LRP12: variants seen among roughly 807,000 people sequenced by gnomAD.
LRP12 encodes the protein low-density lipoprotein receptor-related protein 12.
Under a neutral mutation model 66.0 loss-of-function variants are expected in LRP12, and 14 were observed. The ratio of observed to expected loss-of-function variants is 0.21; its 90% CI spans 0.14 to 0.33. LRP12 has a LOEUF of 0.33. Ranked by LOEUF, LRP12 falls within the 10% of genes least tolerant of loss-of-function variation. The pLI is 1.00. For missense variants in LRP12, 889 were observed against 1,053.4 expected, an observed-to-expected ratio of 0.84 and a Z score of 2.16; for synonymous variants, 357 against 359.1, an observed-to-expected ratio of 0.99 and a Z score of 0.07.
intron 1 of LRP12, among the ~76,000 whole-genome samples, chr8:104,548,153 T>TAA (rs1178014240): frequency 0.011 from 748 of 70,456 alleles, 19 homozygotes; most frequent in African/African-American, 0.054. Context: ...ATATTATATA[T>TAA]TAATAATTAT....
At chr8:104,581,366 AC>A (rs755047117) in intron 1 of LRP12, among the ~76,000 whole-genome samples, 3 of 152,196 alleles carry the variant, frequency 2.0e-5, no homozygotes, top group Non-Finnish European at 4.4e-5. Context: ...TACAGATATC[AC>A]TAGATATGAT....
intron 3 of LRP12, chr8:104,506,895 A>T (rs1387078311): frequency 1.3e-5 from 2 of 152,128 alleles, no homozygotes; most frequent in Non-Finnish European, 2.9e-5. Flanking sequence ...TCCAGATTTT[A>T]AAAAATCATG....
intron 1 of LRP12, among the ~76,000 whole-genome samples, chr8:104,588,341 G>C (rs142040133): frequency 6.6e-6 from 1 of 152,194 alleles, no homozygotes; most frequent in Admixed American, 6.5e-5. Context: ...GAATCGAGTA[G>C]GACAAGGGCT....
At chr8:104,566,044 A>G (rs540898130) in intron 1 of LRP12, 131 of 197,828 alleles carry the variant, frequency 6.6e-4, no homozygotes, top group Non-Finnish European at 1.5e-4. Flanking sequence ...CTGATTAAAG[A>G]CTTCAAAAAA....
intron 1 of LRP12, among the ~76,000 whole-genome samples, chr8:104,554,775 C>T (rs1811780173): frequency 6.6e-6 from 1 of 152,116 alleles, no homozygotes; most frequent in Non-Finnish European, 1.5e-5. Flanking sequence ...GCTCAAAGAA[C>T]ACTCAGGTGA....
intron 1 of LRP12, among the ~76,000 whole-genome samples, chr8:104,579,110 G>A (rs577352189): frequency 3.3e-5 from 5 of 152,002 alleles, no homozygotes; most frequent in East Asian, 1.9e-4. Context: ...TAAATAAAGC[G>A]CATCTAAATA....
chr8:104,570,036 A>T (rs1588508701), intron 1 of LRP12, among the ~76,000 whole-genome samples: 1 of 152,284 alleles, frequency 6.6e-6, no homozygotes, highest in East Asian at 1.9e-4. Context: ...AAGCAATATT[A>T]TTTCCTATAA....
intron 2 of LRP12, among the ~76,000 whole-genome samples, chr8:104,522,585 A>G (rs1811169001): frequency 6.6e-6 from 1 of 152,118 alleles, no homozygotes; most frequent in East Asian, 1.9e-4. Flanking sequence ...CCTCAGACAG[A>G]GACTTCAGCT....
At chr8:104,513,887 T>C (rs1453159319) in intron 2 of LRP12, among the ~76,000 whole-genome samples, 1 of 152,152 alleles carries the variant, frequency 6.6e-6, no homozygotes, top group African/African-American at 2.4e-5. Flanking sequence ...AGGCTTTGCA[T>C]AGTCAAATGC....
At chr8:104,581,275 T>C (rs541094419) in intron 1 of LRP12, among the ~76,000 whole-genome samples, 4 of 152,182 alleles carry the variant, frequency 2.6e-5, no homozygotes, top group Non-Finnish European at 5.9e-5. Flanking sequence ...CAACACATAC[T>C]GGGGCCTGTC....
At position 104,490,587 on chromosome 8, in the gene LRP12, A is replaced by G. The variant is rs576060621; in HGVS notation, c.*86T>C. ...ATCACCCTGCATTTTTTCTTTTTAA[A>G]CTAAAACTAGTTTAACTGTAAAGTT... On this transcript the variant is annotated 3_prime_UTR_variant, in exon 7 of 7. Coordinates refer to ENST00000276654, the MANE Select transcript of LRP12 (RefSeq NM_013437.5). 145 of 1,463,860 alleles carry G rather than the reference A, an allele frequency of 9.9e-5. No homozygotes were observed. In the Admixed American group the frequency reaches 1.0e-3, roughly 10 times the overall value. 90.7% of individuals were successfully genotyped at this position (1,463,860 alleles called of 1,614,324 possible).
At chr8:104,560,904 G>T (rs754176079) in intron 1 of LRP12, among the ~76,000 whole-genome samples, 1 of 152,150 alleles carries the variant, frequency 6.6e-6, no homozygotes, top group African/African-American at 2.4e-5. Flanking sequence ...AGTTAAAGAA[G>T]CCACATCAGC....
At position 104,561,766 on chromosome 8, in the gene LRP12, A is replaced by C. The variant is rs71520898; in HGVS notation, c.79+27053T>G. Among the ~76,000 whole-genome samples the C allele has an allele frequency of 5.9e-3, 894 of 152,262 alleles. 2 individuals carry two copies. Among genetic ancestry groups the C allele is most frequent in the Middle Eastern group, 0.014 (4 of 294 alleles). On this transcript the variant is annotated intron_variant, in intron 1 of 6. Transcript: ENST00000276654. ...GTTCAAGTTCTCTCATCTTTTGGTC[A>C]CTGGGAGTCCCCTTTTTATTGGCCA... is the stretch of plus-strand genomic sequence containing the variant.
rs188053787 is a variant in LRP12 at position 104,513,319 on chromosome 8, T to G, written c.137-4245A>C. On this transcript the variant is annotated intron_variant, in intron 2 of 6. Coordinates refer to ENST00000276654, the MANE Select transcript of LRP12 (RefSeq NM_013437.5). The stretch of plus-strand genomic sequence containing the variant: ...TGCACAATATAAACTACTAAATTTT[T>G]GGGGGCGCTATTAATAATTTCCTCA... Among the ~76,000 whole-genome samples the G allele has an allele frequency of 1.3e-4, 20 of 152,300 alleles. No homozygotes were observed. The East Asian group carries it at 2.1e-3, about 16-fold the overall frequency.
chr8:104,547,149 T>A (rs1409883194), intron 1 of LRP12, among the ~76,000 whole-genome samples: 6 of 144,562 alleles, frequency 4.2e-5, no homozygotes, highest in Non-Finnish European at 1.5e-5. Flanking sequence ...TATACAATTC[T>A]ATGTTATATC....
At chr8:104,579,586 A>G (rs750346641) in intron 1 of LRP12, among the ~76,000 whole-genome samples, 2 of 152,216 alleles carry the variant, frequency 1.3e-5, no homozygotes, top group Non-Finnish European at 2.9e-5. Flanking sequence ...CTATTTTAAA[A>G]TTCATATAGA....
At position 104,541,980 on chromosome 8, in the gene LRP12, T is replaced by C. The variant is rs149795084; in HGVS notation, c.80-10017A>G. Among the ~76,000 whole-genome samples the C allele has an allele frequency of 4.6e-5, 7 of 152,320 alleles. No individual in the cohort carries two copies. In the South Asian group the frequency reaches 8.3e-4, roughly 18 times the overall value. ...GAATATTGGTATACAAGTTTTTATATAGACATATGTTTTCAATTATCTTTA... is the reference window on the plus strand; with the variant it reads ...GAATATTGGTATACAAGTTTTTATACAGACATATGTTTTCAATTATCTTTA... On this transcript the variant is annotated intron_variant, in intron 1 of 6. Coordinates refer to ENST00000276654, the MANE Select transcript of LRP12 (RefSeq NM_013437.5).
intron 6 of LRP12, among the ~76,000 whole-genome samples, chr8:104,494,334 A>G (rs955212694): frequency 1.3e-5 from 2 of 152,202 alleles, no homozygotes; most frequent in Non-Finnish European, 2.9e-5. Flanking sequence ...AAATACTCCA[A>G]TAAGGTGATA....
Position 104,491,149 on chromosome 8 carries a change from C to G in LRP12, c.2104G>C (p.Gly702Arg), listed in dbSNP as rs1371466228. ...TCCCTTCCATTATCTGCATGACCAC[C>G]TCGGGTACTCTGAGTTGAGGAACTT... ...CASSSTQSTR[G>R]GHADNGRDVT... Residue 702 changes from glycine (G) to arginine (R), a missense_variant, in exon 7 of 7, where the codon GGT becomes CGT. Gly to Arg is a moderately radical substitution (Grantham distance 125). Around this residue, in one of 3 missense-constraint regions of LRP12, gnomAD observed 800 missense variants for 964.5 expected, o/e 0.83. Coordinates refer to ENST00000276654, the MANE Select transcript of LRP12 (RefSeq NM_013437.5). 3 of 1,613,968 alleles carry G rather than the reference C, an allele frequency of 1.9e-6. No individual in the cohort carries two copies. In the Admixed American group the frequency reaches 5.0e-5, roughly 27 times the overall value.
Sources: allele counts gnomAD v4.1 joint callset (sites outside exome capture counted in the v4.1 genomes callset), GRCh38; gene constraint gnomAD v4.1.1; regional missense constraint gnomAD v4.1.1; transcripts MANE v1.5; gene names NCBI Gene and HGNC (gene_info 2026-07-23, HGNC 2026-07-21).